RLN2: variants seen among roughly 807,000 people sequenced by gnomAD.
The protein encoded by RLN2 is relaxin 2.
Under a neutral mutation model 7.3 loss-of-function variants are expected in RLN2, and 10 were observed. That is an observed-to-expected ratio of 1.36 (90% CI 0.84 to 2.31). The LOEUF (loss-of-function observed/expected upper bound fraction) is 2.31, where lower values mean the gene tolerates loss of function less well. RLN2 is among the 30% of genes most tolerant of loss of function. RLN2 has a pLI of 0.00. For synonymous variants in RLN2, 103 were observed against 82.3 expected (o/e 1.25, Z -1.36); for missense variants, 298 against 217.6 (o/e 1.37, Z -2.32).
chr9:5,332,097 T>A, the RLN2 span, among the ~76,000 whole-genome samples: 6 of 151,874 alleles, frequency 4.0e-5, no homozygotes, highest in Non-Finnish European at 5.9e-5. Context: ...ATTGAAATAA[T>A]ATTAAGTCAA....
the RLN2 span, among the ~76,000 whole-genome samples, chr9:5,330,987 A>G: frequency 6.6e-6 from 1 of 152,002 alleles, no homozygotes; most frequent in Non-Finnish European, 1.5e-5. Flanking sequence ...CAAATAAACT[A>G]GAAAATCTAG....
the RLN2 span, among the ~76,000 whole-genome samples, chr9:5,315,668 C>T: frequency 5.3e-5 from 8 of 151,856 alleles, no homozygotes; most frequent in Non-Finnish European, 7.4e-5. Context: ...TGTCAAAAGC[C>T]GAAGACAAAG....
At chr9:5,328,970 G>A in the RLN2 span, among the ~76,000 whole-genome samples, 1 of 152,014 alleles carries the variant, frequency 6.6e-6, no homozygotes, top group African/African-American at 2.4e-5. Flanking sequence ...ACCAGCCACT[G>A]CAAAAACGTG....
chr9:5,311,469 G>A, the RLN2 span: 1 of 640,384 alleles, frequency 1.6e-6, no homozygotes, highest in South Asian at 1.7e-5. Flanking sequence ...GGCTGAAGGG[G>A]ATGTTAAAGG....
upstream of RLN2, among the ~76,000 whole-genome samples, chr9:5,309,402 G>C (rs1005047540): frequency 1.4e-4 from 21 of 151,862 alleles, no homozygotes; most frequent in African/African-American, 4.8e-4. Context: ...GCTTCTACAA[G>C]GTTCTTTAAG....
chr9:5,315,318 C>T, the RLN2 span, among the ~76,000 whole-genome samples: 4 of 149,488 alleles, frequency 2.7e-5, no homozygotes, highest in African/African-American at 4.9e-5. Flanking sequence ...ATAAAAAATA[C>T]AATAGAAAGC....
the RLN2 span, among the ~76,000 whole-genome samples, chr9:5,330,107 C>A: frequency 1.3e-5 from 2 of 152,122 alleles, no homozygotes; most frequent in Middle Eastern, 3.4e-3. Flanking sequence ...TTAAGAAACT[C>A]ACTCAAAACT....
chr9:5,314,404 C>T, the RLN2 span, among the ~76,000 whole-genome samples: 20 of 152,090 alleles, frequency 1.3e-4, no homozygotes, highest in African/African-American at 4.6e-4. Flanking sequence ...TGAAATGGCA[C>T]TCAGCCTCCT....
chr9:5,330,522 C>A, the RLN2 span, among the ~76,000 whole-genome samples: 2 of 150,462 alleles, frequency 1.3e-5, no homozygotes, highest in Non-Finnish European at 3.0e-5. Flanking sequence ...CCTGTAGTCC[C>A]AGCTACTCTG....
At chr9:5,305,402 CAGAGAG>C (rs3834385), upstream of RLN2, among the ~76,000 whole-genome samples, 116 of 112,252 alleles carry the variant, frequency 1.0e-3, 2 homozygotes, top group African/African-American at 3.7e-3. Flanking sequence ...CACACACACA[CAGAGAG>C]AGAGAGAGAG....
chr9:5,318,009 T>TGTGTGC, the RLN2 span, among the ~76,000 whole-genome samples: 1 of 150,282 alleles, frequency 6.7e-6, no homozygotes, highest in African/African-American at 2.4e-5. Context: ...TGTGTGTGCG[T>TGTGTGC]GTGTGTGTGT....
the RLN2 span, among the ~76,000 whole-genome samples, chr9:5,327,566 G>A: frequency 6.6e-5 from 10 of 152,026 alleles, no homozygotes; most frequent in Admixed American, 1.3e-4. Flanking sequence ...CTCTCAGCAC[G>A]GCATTCGAGC....
At chr9:5,306,821 T>G (rs948155878), upstream of RLN2, among the ~76,000 whole-genome samples, 2 of 152,012 alleles carry the variant, frequency 1.3e-5, no homozygotes, top group African/African-American at 2.4e-5. Flanking sequence ...TGTCTTTGAA[T>G]GTAGGACAGC....
the RLN2 span, among the ~76,000 whole-genome samples, chr9:5,310,565 A>C: frequency 6.6e-6 from 1 of 152,012 alleles, no homozygotes; most frequent in Non-Finnish European, 1.5e-5. Flanking sequence ...CATAGTGCAT[A>C]GCTTCAATCG....
chr9:5,322,101 T>C, the RLN2 span, among the ~76,000 whole-genome samples: 7 of 151,736 alleles, frequency 4.6e-5, 1 homozygote, highest in South Asian at 4.2e-4. Flanking sequence ...CACTGAGGAG[T>C]AGAGCAGGTA....
At chr9:5,320,389 G>T in the RLN2 span, among the ~76,000 whole-genome samples, 1 of 151,648 alleles carries the variant, frequency 6.6e-6, no homozygotes, top group African/African-American at 2.4e-5. Flanking sequence ...TTAATTTTTT[G>T]ACACAGGGTG....
In RLN2 at chr9:5,304,472, G is replaced by A. The variant is rs1816198785; in HGVS notation, c.109C>T (p.Arg37Cys). ...GCAATCTGCGCGCGAACTAATTCGC[G>A]GCCGCATAATTTAATAACTTCCTCC... ...WMEEVIKLCGRELVRAQIAIC... is the reference protein window; with the variant it reads ...WMEEVIKLCGCELVRAQIAIC... Residue 37 changes from arginine (R) to cysteine (C), a missense_variant, in exon 1 of 2, where the codon CGC becomes TGC. By Grantham distance (180) the Arg-to-Cys change is radical. Coordinates refer to ENST00000381627, the MANE Select transcript of RLN2 (RefSeq NM_134441.3). The A allele has an allele frequency of 1.2e-6, 2 of 1,613,450 alleles. No homozygotes were observed. Among genetic ancestry groups the A allele is most frequent in the Admixed American group, 1.7e-5 (1 of 59,960 alleles).
the RLN2 span, among the ~76,000 whole-genome samples, chr9:5,337,801 T>G: frequency 6.6e-6 from 1 of 152,062 alleles, no homozygotes. Context: ...TGAAATCTCA[T>G]GTCTCTTCTA....
chr9:5,307,391 C>A (rs944017569), upstream of RLN2, among the ~76,000 whole-genome samples: 8 of 151,714 alleles, frequency 5.3e-5, no homozygotes, highest in African/African-American at 1.7e-4. Context: ...CATCAGTTTC[C>A]TATGAGAGTT....
Sources: allele counts gnomAD v4.1 joint callset (sites outside exome capture counted in the v4.1 genomes callset), GRCh38; gene constraint gnomAD v4.1.1; transcripts MANE v1.5; gene names NCBI Gene and HGNC (gene_info 2026-07-23, HGNC 2026-07-21).